STK3: variants seen among roughly 807,000 people sequenced by gnomAD.
STK3 encodes serine/threonine kinase 3.
In STK3, 41 loss-of-function variants were observed where a neutral mutation model predicts 58.0. That is an observed-to-expected ratio of 0.71 (90% CI 0.55 to 0.92). The LOEUF (loss-of-function observed/expected upper bound fraction) is 0.92. STK3 is among the 40% of genes least tolerant of loss of function. The pLI is 0.00. For synonymous variants in STK3, 170 were observed against 191.0 expected (o/e 0.89, Z 0.91); for missense variants, 479 against 602.7 (o/e 0.79, Z 2.15).
intron 9 of STK3, among the ~76,000 whole-genome samples, chr8:98,537,862 C>T (rs1397904254): frequency 6.6e-6 from 1 of 152,126 alleles, no homozygotes; most frequent in Admixed American, 6.6e-5. Context: ...CTCCTTCATG[C>T]ATCCCCAAAA....
chr8:98,806,776 C>A (rs188359147), intron 1 of STK3, among the ~76,000 whole-genome samples: 126 of 151,944 alleles, frequency 8.3e-4, no homozygotes, highest in Non-Finnish European at 1.3e-3. Context: ...TATAGGAAAC[C>A]AAGCAGAGGA....
intron 10 of STK3, among the ~76,000 whole-genome samples, chr8:98,512,392 A>G (rs1361246259): frequency 1.3e-5 from 2 of 152,218 alleles, no homozygotes; most frequent in African/African-American, 4.8e-5. Flanking sequence ...GTTTAAGGCA[A>G]ATAGACAAAG....
intron 1 of STK3, among the ~76,000 whole-genome samples, chr8:98,811,872 G>T (rs1362896823): frequency 6.6e-6 from 1 of 152,216 alleles, no homozygotes; most frequent in Non-Finnish European, 1.5e-5. Flanking sequence ...ACCCAGGCTG[G>T]AGTGCAGTGG....
chr8:98,709,913 C>T lies in STK3; in HGVS notation c.352-2602G>A, dbSNP rs543138068. ...GCTATTAGGTTGGTGCAAAAGTAAT[C>T]GCAGTTTTTGCCATTTTTTTTTTAA... On this transcript the variant is annotated intron_variant, in intron 4 of 10. Coordinates refer to ENST00000419617, the MANE Select transcript of STK3 (RefSeq NM_006281.4). Among the ~76,000 whole-genome samples, 253 of 140,282 alleles carry T rather than the reference C, an allele frequency of 1.8e-3. 1 individual carries two copies. Among genetic ancestry groups the T allele is most frequent in the South Asian group, 4.1e-3 (19 of 4,664 alleles). 92.0% of individuals were successfully genotyped at this position (140,282 alleles called of 152,430 possible).
intron 10 of STK3, among the ~76,000 whole-genome samples, chr8:98,519,481 G>T (rs1258190766): frequency 7.6e-6 from 1 of 131,036 alleles, no homozygotes; most frequent in Admixed American, 7.3e-5. Context: ...CCCTGAGAAA[G>T]AAACATTTCT....
rs368761378 is a variant in STK3, at chr8:98,501,378, T to G, written c.1317+25364A>C. Among the ~76,000 whole-genome samples, 149 of 152,318 alleles carry G rather than the reference T, an allele frequency of 9.8e-4. 2 individuals carry two copies. In the South Asian group the frequency reaches 0.018, roughly 19 times the overall value. On this transcript the variant is annotated intron_variant, in intron 10 of 10. Transcript: ENST00000419617. Reference sequence around the variant, plus strand: ...TTGCCTGTTCACTCTGATAGTATTTTCTTTTGCTGTGCAGAAGCTCTTTAA... The same window carrying G: ...TTGCCTGTTCACTCTGATAGTATTTGCTTTTGCTGTGCAGAAGCTCTTTAA...
intron 9 of STK3, 97 bp downstream of exon 9, chr8:98,547,872 C>CT: frequency 8.8e-7 from 1 of 1,140,632 alleles, no homozygotes; most frequent in Non-Finnish European, 1.1e-6. Context: ...AAATTTTCCA[C>CT]AGTTGGCTAT....
chr8:98,924,684 T>C (rs1046725820), intron 1 of STK3, among the ~76,000 whole-genome samples: 7 of 152,324 alleles, frequency 4.6e-5, no homozygotes, highest in African/African-American at 1.7e-4. Flanking sequence ...CAACAGTCCT[T>C]GTAAAAAGCC....
At chr8:98,648,282 T>A (rs776648197) in intron 6 of STK3, among the ~76,000 whole-genome samples, 6 of 152,242 alleles carry the variant, frequency 3.9e-5, no homozygotes, top group Non-Finnish European at 8.8e-5. Context: ...CTACATTAAT[T>A]GGTATACACA....
chr8:98,697,416 CT>C (rs1825062115), intron 6 of STK3, among the ~76,000 whole-genome samples: 1 of 152,054 alleles, frequency 6.6e-6, no homozygotes, highest in African/African-American at 2.4e-5. Flanking sequence ...AATGTGTTTG[CT>C]CTTGCTTTTC....
intron 6 of STK3, among the ~76,000 whole-genome samples, chr8:98,655,556 A>G (rs1011333226): frequency 1.6e-4 from 25 of 151,938 alleles, no homozygotes; most frequent in African/African-American, 4.1e-4. Context: ...GCAACCTACA[A>G]CATGGGAGAA....
chr8:98,860,513 A>G (rs1017963434), intron 3 of STK3, among the ~76,000 whole-genome samples: 2 of 152,218 alleles, frequency 1.3e-5, no homozygotes, highest in Non-Finnish European at 2.9e-5. Context: ...CAAGGCTGGA[A>G]GAAGACCTTG....
At chr8:98,479,987 T>A (rs749813147) in intron 10 of STK3, among the ~76,000 whole-genome samples, 1 of 151,948 alleles carries the variant, frequency 6.6e-6, no homozygotes. Context: ...AATAGCAGAA[T>A]GAAGATGACA....
chr8:98,532,753 C>A (rs561152196), intron 9 of STK3, among the ~76,000 whole-genome samples: 28 of 152,222 alleles, frequency 1.8e-4, no homozygotes, highest in South Asian at 4.1e-4. Flanking sequence ...TAATTACCAT[C>A]AAAAATGTGC....
chr8:98,533,148 T>A (rs1170019565), intron 9 of STK3, among the ~76,000 whole-genome samples: 1 of 152,184 alleles, frequency 6.6e-6, no homozygotes, highest in Non-Finnish European at 1.5e-5. Context: ...ATAATGCTCC[T>A]ATGAATATTG....
intron 6 of STK3, among the ~76,000 whole-genome samples, chr8:98,669,138 A>G (rs1822601464): frequency 6.6e-6 from 1 of 151,922 alleles, no homozygotes; most frequent in Non-Finnish European, 1.5e-5. Flanking sequence ...CTGGGATTAC[A>G]GGCACGCACC....
chr8:98,910,517 G>T (rs1021369103), intron 1 of STK3, among the ~76,000 whole-genome samples: 1 of 152,164 alleles, frequency 6.6e-6, no homozygotes, highest in African/African-American at 2.4e-5. Context: ...CTTCTATAGT[G>T]TGATCAACTT....
chr8:98,865,954 G>C (rs1837123672), intron 3 of STK3, among the ~76,000 whole-genome samples: 1 of 152,236 alleles, frequency 6.6e-6, no homozygotes, highest in Non-Finnish European at 1.5e-5. Context: ...CAGTCCTGCA[G>C]TCTGGAGTGG....
the STK3 span, among the ~76,000 whole-genome samples, chr8:98,358,784 C>A: frequency 9.2e-5 from 14 of 152,144 alleles, no homozygotes; most frequent in South Asian, 2.9e-3. Context: ...AGAAGCTTGG[C>A]ACCAAAAATG....
Sources: gnomAD v4.1 joint callset for allele counts (sites outside exome capture counted in the v4.1 genomes callset) on GRCh38, gnomAD v4.1.1 for gene constraint, MANE v1.5 for transcripts, NCBI Gene and HGNC (gene_info 2026-07-23, HGNC 2026-07-21) for gene names.